Variants in TMEM128 observed in about 807,000 individuals in gnomAD.
TMEM128 encodes the protein transmembrane protein 128.
Under a neutral mutation model 19.7 loss-of-function variants are expected in TMEM128, and 16 were observed. The ratio of observed to expected loss-of-function variants is 0.81; its 90% CI spans 0.55 to 1.23. The LOEUF (loss-of-function observed/expected upper bound fraction) is 1.23. Ranked by LOEUF, TMEM128 falls within the 50% of genes most tolerant of loss-of-function variation. TMEM128 has a pLI of 0.00. For synonymous variants in TMEM128, 98 were observed against 75.8 expected (o/e 1.29, Z -1.52); for missense variants, 237 against 200.8 (o/e 1.18, Z -1.09).
At chr4:4,240,180 G>C in intron 3 of TMEM128, 141 bp downstream of exon 3, 1 of 749,282 alleles carries the variant, frequency 1.3e-6, no homozygotes, top group South Asian at 2.0e-5. Flanking sequence ...AATCAAAAGG[G>C]AACCAGAGAG....
intron 2 of TMEM128, 84 bp downstream of exon 2, chr4:4,246,118 T>C: frequency 7.0e-7 from 1 of 1,422,668 alleles, no homozygotes; most frequent in Non-Finnish European, 9.6e-7. Context: ...AGTAGGTGCT[T>C]ACTGTTTGAA....
rs201632772 is a variant in TMEM128, at chr4:4,237,905, C to T, written c.429G>A (p.Ser143=). The T allele has an allele frequency of 9.4e-5, 149 of 1,590,430 alleles. 2 individuals carry two copies. The highest frequency in any genetic ancestry group is 1.4e-4 in the Admixed American group (8 of 56,744). The change falls in exon 4 of 5, where the codon TCG becomes TCA. Residue 143 remains serine, a synonymous_variant. Coordinates refer to ENST00000382753, the MANE Select transcript of TMEM128 (RefSeq NM_001297551.2). The part of the protein sequence containing the change: ...CFNIALWHVW[S]FFTPLLLFTQ... ...TAAACAACAACAATGGAGTGAAAAACGACCACACATGCCATAAAGCAATGT... is the reference window on the plus strand; with the variant it reads ...TAAACAACAACAATGGAGTGAAAAATGACCACACATGCCATAAAGCAATGT...
intron 3 of TMEM128, among the ~76,000 whole-genome samples, chr4:4,239,840 C>T (rs935124534): frequency 1.1e-4 from 17 of 152,200 alleles, no homozygotes; most frequent in South Asian, 2.1e-4. Context: ...AGTTCAAAAG[C>T]GTAGCTGAAA....
chr4:4,241,082 G>A (rs1025686359), intron 2 of TMEM128, among the ~76,000 whole-genome samples: 1 of 152,102 alleles, frequency 6.6e-6, no homozygotes, highest in Non-Finnish European at 1.5e-5. Flanking sequence ...GTGAAACTCT[G>A]TCTCAAAAAA....
chr4:4,246,385 T>C (rs777956586), intron 1 of TMEM128, 42 bp from the exon 2 acceptor site: 17 of 1,569,176 alleles, frequency 1.1e-5, no homozygotes, highest in Non-Finnish European at 1.3e-5. Context: ...TTACCACAAT[T>C]TTGCGAGGAA....
At chr4:4,242,778 CAA>C (rs748901772) in intron 2 of TMEM128, among the ~76,000 whole-genome samples, 1 of 152,108 alleles carries the variant, frequency 6.6e-6, no homozygotes, top group Non-Finnish European at 1.5e-5. Context: ...CTTGGCCTCC[CAA>C]AGTGCTCGGA....
At chr4:4,239,537 T>C (rs1285146003) in intron 3 of TMEM128, among the ~76,000 whole-genome samples, 3 of 152,202 alleles carry the variant, frequency 2.0e-5, no homozygotes, top group Non-Finnish European at 4.4e-5. Context: ...GGGGTACATA[T>C]ATATACATAT....
chr4:4,235,867 T>A lies in TMEM128; in HGVS notation c.*399A>T, dbSNP rs1717700132. The A allele has an allele frequency of 6.6e-6, 1 of 152,636 alleles. No individual in the cohort carries two copies. Among genetic ancestry groups the A allele is most frequent in the African/African-American group, 2.4e-5 (1 of 41,468 alleles). 9.5% of individuals were successfully genotyped at this position (152,636 alleles called of 1,614,324 possible). ...TTTAAAATATTAACAGTGCACTATG[T>A]ACCTACAATGAAACCACTTTCTCCA... On this transcript the variant is annotated 3_prime_UTR_variant, in exon 5 of 5. Coordinates refer to ENST00000382753, the MANE Select transcript of TMEM128 (RefSeq NM_001297551.2).
intron 1 of TMEM128, 28 bp downstream of exon 1, chr4:4,248,078 C>A (rs183089867): frequency 6.0e-4 from 921 of 1,535,036 alleles, no homozygotes; most frequent in Admixed American, 1.1e-3. Flanking sequence ...CCTCTGAGAA[C>A]CTCGGGGCGG....
intron 1 of TMEM128, chr4:4,247,829 T>C (rs1164642883): frequency 8.4e-6 from 12 of 1,434,482 alleles, no homozygotes; most frequent in Admixed American, 2.9e-5. Context: ...TACACGCATG[T>C]TTCTGGTAAA....
At chr4:4,240,811 C>T (rs1225698089) in intron 2 of TMEM128, among the ~76,000 whole-genome samples, 1 of 152,248 alleles carries the variant, frequency 6.6e-6, no homozygotes, top group Non-Finnish European at 1.5e-5. Context: ...GGCGCAGTGG[C>T]TCATGCCTAT....
chr4:4,247,637 C>T, intron 1 of TMEM128: 4 of 1,614,190 alleles, frequency 2.5e-6, no homozygotes, highest in Non-Finnish European at 3.4e-6. Flanking sequence ...CCATAGTGTT[C>T]CACACTTCCC....
chr4:4,246,892 C>T (rs1039261816), intron 1 of TMEM128, among the ~76,000 whole-genome samples: 5 of 151,978 alleles, frequency 3.3e-5, no homozygotes, highest in African/African-American at 9.7e-5. Context: ...GGATTACAGG[C>T]GCCTGCCACC....
chr4:4,240,805 C>A lies in TMEM128; in HGVS notation c.240-326G>T, dbSNP rs193146962. Among the ~76,000 whole-genome samples, 830 of 152,340 alleles carry A rather than the reference C, an allele frequency of 5.4e-3. 9 individuals carry two copies. Among genetic ancestry groups the A allele is most frequent in the African/African-American group, 0.019 (809 of 41,580 alleles). On this transcript the variant is annotated intron_variant, in intron 2 of 4. Transcript: ENST00000382753. ...AAAAATACAAGGAAGAGGCCGGGCG[C>A]AGTGGCTCATGCCTATAATCCCAAC...
chr4:4,242,369 G>A (rs1389411565), intron 2 of TMEM128, among the ~76,000 whole-genome samples: 1 of 151,964 alleles, frequency 6.6e-6, no homozygotes, highest in South Asian at 2.1e-4. Flanking sequence ...GCATAGATAT[G>A]CATGCAGTAT....
At chr4:4,242,604 C>A (rs904652698) in intron 2 of TMEM128, among the ~76,000 whole-genome samples, 8 of 151,888 alleles carry the variant, frequency 5.3e-5, no homozygotes, top group Non-Finnish European at 1.2e-4. Context: ...CTGCAACCTC[C>A]ACTTCCCAGG....
chr4:4,245,700 C>A (rs2916470), intron 2 of TMEM128, among the ~76,000 whole-genome samples: 1 of 151,820 alleles, frequency 6.6e-6, no homozygotes, highest in Non-Finnish European at 1.5e-5. Context: ...TATTGAAGTA[C>A]AATTGACAAA....
intron 1 of TMEM128, chr4:4,247,897 T>C (rs1192289350): frequency 2.1e-6 from 3 of 1,430,752 alleles, no homozygotes; most frequent in Non-Finnish European, 2.7e-6. Context: ...TCCAAATAGG[T>C]GTCAAATCAG....
intron 3 of TMEM128, among the ~76,000 whole-genome samples, chr4:4,239,558 C>G (rs1345354995): frequency 6.6e-6 from 1 of 152,144 alleles, no homozygotes; most frequent in Non-Finnish European, 1.5e-5. Flanking sequence ...ATACATACAT[C>G]TCTACACCCA....
Sources: gnomAD v4.1 joint callset for allele counts (sites outside exome capture counted in the v4.1 genomes callset) on GRCh38, gnomAD v4.1.1 for gene constraint, MANE v1.5 for transcripts, NCBI Gene and HGNC (gene_info 2026-07-23, HGNC 2026-07-21) for gene names.